CADM1: variants seen among roughly 807,000 people sequenced by gnomAD.
CADM1 encodes TSLC-1.
A neutral mutation model predicts 53.1 loss-of-function variants in CADM1; 15 were observed. The observed-to-expected ratio is 0.28, with a 90% CI of 0.19 to 0.44. The LOEUF (loss-of-function observed/expected upper bound fraction) is 0.44. CADM1 is among the 20% of genes least tolerant of loss of function. The pLI is 1.00. For synonymous variants in CADM1, 281 were observed against 243.0 expected (o/e 1.16, Z -1.45); for missense variants, 434 against 611.3 (o/e 0.71, Z 3.06).
chr11:115,405,494 A>G (rs1030091080), intron 1 of CADM1, among the ~76,000 whole-genome samples: 1 of 152,202 alleles, frequency 6.6e-6, no homozygotes, highest in African/African-American at 2.4e-5. Context: ...CCCACATTCA[A>G]AAGTAGAAGG....
intron 1 of CADM1, among the ~76,000 whole-genome samples, chr11:115,469,819 C>A (rs1015797895): frequency 1.3e-4 from 19 of 151,970 alleles, no homozygotes; most frequent in Middle Eastern, 3.4e-3. Context: ...TTACAGGCAC[C>A]CGCCACCATG....
intron 1 of CADM1, among the ~76,000 whole-genome samples, chr11:115,357,976 T>A (rs1455801703): frequency 1.3e-5 from 2 of 152,240 alleles, no homozygotes; most frequent in South Asian, 2.1e-4. Flanking sequence ...TGCCATAAAA[T>A]TGCATTTTAT....
At chr11:115,485,681 A>G (rs1949357885) in intron 1 of CADM1, among the ~76,000 whole-genome samples, 1 of 152,168 alleles carries the variant, frequency 6.6e-6, no homozygotes, top group Non-Finnish European at 1.5e-5. Flanking sequence ...GTCTTCTGCC[A>G]TGATTGTGAG....
intron 1 of CADM1, among the ~76,000 whole-genome samples, chr11:115,306,683 G>C (rs909644519): frequency 6.6e-6 from 1 of 151,898 alleles, no homozygotes; most frequent in African/African-American, 2.4e-5. Flanking sequence ...AAATTAGTAA[G>C]CAAGATGAAG....
intron 1 of CADM1, among the ~76,000 whole-genome samples, chr11:115,254,986 A>G (rs1012280897): frequency 6.6e-6 from 1 of 152,158 alleles, no homozygotes; most frequent in African/African-American, 2.4e-5. Flanking sequence ...GGCTGGAGTC[A>G]GGAGGATCAG....
At chr11:115,384,243 A>C (rs1467233999) in intron 1 of CADM1, among the ~76,000 whole-genome samples, 1 of 152,164 alleles carries the variant, frequency 6.6e-6, no homozygotes, top group Non-Finnish European at 1.5e-5. Flanking sequence ...TGTTTTATTC[A>C]AATTAATGGT....
chr11:115,387,283 T>C (rs1208334804), intron 1 of CADM1, among the ~76,000 whole-genome samples: 1 of 152,220 alleles, frequency 6.6e-6, no homozygotes, highest in Non-Finnish European at 1.5e-5. Flanking sequence ...TGTCTCAGTA[T>C]ACCTTTATAC....
intron 1 of CADM1, among the ~76,000 whole-genome samples, chr11:115,242,741 A>G (rs1942284028): frequency 6.6e-6 from 1 of 152,212 alleles, no homozygotes; most frequent in South Asian, 2.1e-4. Flanking sequence ...TTCAGTTTAC[A>G]AAAGGTACAT....
chr11:115,291,530 G>A (rs999351035), intron 1 of CADM1, among the ~76,000 whole-genome samples: 6 of 152,126 alleles, frequency 3.9e-5, no homozygotes, highest in Admixed American at 2.6e-4. Context: ...AATCCACCCC[G>A]CAGCGCTCAG....
chr11:115,385,086 T>C (rs780619250), intron 1 of CADM1, among the ~76,000 whole-genome samples: 1 of 151,986 alleles, frequency 6.6e-6, no homozygotes, highest in Non-Finnish European at 1.5e-5. Flanking sequence ...TATTATTGTT[T>C]TCAGAACCCT....
Position 115,255,601 on chromosome 11 carries a change from A to C in CADM1, c.125-15181T>G, listed in dbSNP as rs141290308. Among the ~76,000 whole-genome samples the C allele has an allele frequency of 8.5e-3, 1,293 of 152,310 alleles. 8 individuals carry two copies. Among genetic ancestry groups the C allele is most frequent in the Non-Finnish European group, 0.015 (997 of 68,008 alleles). On this transcript the variant is annotated intron_variant, in intron 1 of 11. Transcript: ENST00000331581. ...CAGCTAAACCAAAGGAGATCCTAGAAAGAGAAATATTCCTAGATAACTTGT... is the reference window on the plus strand; with the variant it reads ...CAGCTAAACCAAAGGAGATCCTAGACAGAGAAATATTCCTAGATAACTTGT...
chr11:115,345,156 C>A (rs148143995), intron 1 of CADM1, among the ~76,000 whole-genome samples: 2 of 152,270 alleles, frequency 1.3e-5, no homozygotes, highest in African/African-American at 4.8e-5. Context: ...TTCTGCACGA[C>A]CACAAAAGAC....
At chr11:115,383,002 T>TA (rs1173366992) in intron 1 of CADM1, among the ~76,000 whole-genome samples, 1 of 152,218 alleles carries the variant, frequency 6.6e-6, no homozygotes, top group East Asian at 1.9e-4. Context: ...GCTCTCACAA[T>TA]AGGCTAGCCC....
At chr11:115,375,747 CTAA>C (rs528230983) in intron 1 of CADM1, among the ~76,000 whole-genome samples, 18 of 151,254 alleles carry the variant, frequency 1.2e-4, no homozygotes, top group African/African-American at 2.9e-4. Flanking sequence ...AGGGAGTATG[CTAA>C]TAATAATAAT....
rs4938180 is a variant in CADM1, at chr11:115,170,292, C to T, written c.*6182G>A. On this transcript the variant is annotated 3_prime_UTR_variant, in exon 12 of 12. Coordinates refer to ENST00000331581, the MANE Select transcript of CADM1 (RefSeq NM_001301043.2). ...GATTAGGAGGGAGTAAAATGGGAGG[C>T]GCAGGTAGGTGTGCATGTGTGTGAG... is the stretch of plus-strand genomic sequence containing the variant. 66,590 of 151,956 alleles carry T rather than the reference C, an allele frequency of 0.44. 15,765 individuals are homozygous for T. Among genetic ancestry groups the T allele is most frequent in the Non-Finnish European group, 0.52 (35,712 of 68,090 alleles). 9.4% of individuals were successfully genotyped at this position (151,956 alleles called of 1,614,324 possible).
chr11:115,459,058 T>A (rs1375668588), intron 1 of CADM1, among the ~76,000 whole-genome samples: 1 of 152,160 alleles, frequency 6.6e-6, no homozygotes, highest in Non-Finnish European at 1.5e-5. Context: ...CATAAGGGTT[T>A]TTAAAACAGG....
chr11:115,292,107 G>A (rs1013830473), intron 1 of CADM1, among the ~76,000 whole-genome samples: 1 of 152,144 alleles, frequency 6.6e-6, no homozygotes, highest in Non-Finnish European at 1.5e-5. Flanking sequence ...AGCTGGAGGG[G>A]TCATCCACCT....
chr11:115,417,086 A>T (rs925383894), intron 1 of CADM1, among the ~76,000 whole-genome samples: 5 of 152,186 alleles, frequency 3.3e-5, no homozygotes, highest in Admixed American at 3.3e-4. Context: ...TTTAGGAAGA[A>T]ATGTGGGCCA....
At chr11:115,500,539 G>A (rs1386598808) in intron 1 of CADM1, among the ~76,000 whole-genome samples, 1 of 152,162 alleles carries the variant, frequency 6.6e-6, no homozygotes, top group East Asian at 1.9e-4. Context: ...AACTCCAAGA[G>A]CACCATCAAT....
Sources: allele counts gnomAD v4.1 joint callset (sites outside exome capture counted in the v4.1 genomes callset), GRCh38; gene constraint gnomAD v4.1.1; transcripts MANE v1.5; gene names NCBI Gene and HGNC (gene_info 2026-07-23, HGNC 2026-07-21).